ST3GAL5: variants seen among roughly 807,000 people sequenced by gnomAD.
ST3GAL5 encodes ST3 beta-galactoside alpha-2,3-sialyltransferase 5, also known as lactosylceramide alpha-2,3-sialyltransferase.
ST3GAL5 carries 25 observed loss-of-function variants against 46.1 expected under a neutral mutation model. The observed-to-expected ratio is 0.54, with a 90% confidence interval of 0.40 to 0.76. The LOEUF is 0.76. Ranked by LOEUF, ST3GAL5 falls within the 30% of genes least tolerant of loss-of-function variation. ST3GAL5 has a pLI of 0.00. For synonymous variants in ST3GAL5, 182 were observed against 192.7 expected, an observed-to-expected ratio of 0.94 and a Z score of 0.46; for missense variants, 431 against 521.2, an observed-to-expected ratio of 0.83 and a Z score of 1.69.
chr2:85,870,914 C>G (rs1415774904), intron 1 of ST3GAL5, among the ~76,000 whole-genome samples: 4 of 152,136 alleles, frequency 2.6e-5, no homozygotes. Context: ...ATCCGCCCGC[C>G]TTGGCCGCCC....
intron 1 of ST3GAL5, among the ~76,000 whole-genome samples, chr2:85,871,326 T>C (rs1469935584): frequency 1.3e-5 from 2 of 152,252 alleles, no homozygotes; most frequent in Non-Finnish European, 2.9e-5. Context: ...AACAAATTAC[T>C]GTTTACTATA....
rs1477354551 is a variant in ST3GAL5 at position 85,888,868 on chromosome 2, G to C, written c.38C>G (p.Pro13Arg). 1 of 1,365,880 alleles carries C rather than the reference G, an allele frequency of 7.3e-7. No homozygotes were observed. The highest frequency in any genetic ancestry group is 1.5e-5 in the African/African-American group (1 of 66,300). 84.6% of individuals were successfully genotyped at this position (1,365,880 alleles called of 1,614,324 possible). A position where few individuals can be genotyped will look rare whatever the true frequency, so the allele number is the denominator to read the frequency against. Residue 13 changes from proline (P) to arginine (R), a missense_variant, in exon 1 of 7, where the codon CCC becomes CGC. Transcript: ENST00000638572. ...CGCTGCCTCGGTCCGCGGCTGCAGG[G>C]GACGCCGCTCCGCGCAGCCCGCCGC... ...TKAAGCAERR[P>R]LQPRTEAAAA... is the part of the protein sequence containing the mutation.
rs74491973 is a variant in ST3GAL5 at position 85,838,977 on chromosome 2, A to T, written c.*1167T>A. The T allele has an allele frequency of 0.02, 3,077 of 152,560 alleles. 50 individuals are homozygous for T. The highest frequency in any genetic ancestry group is 0.03 in the Non-Finnish European group (2,061 of 68,238). The allele number at this position is 152,560 out of a possible 1,614,324, so 9.5% of individuals were successfully genotyped here. ...AGCCACCGACACCCAGCATCTCTTCAGAAGGGTTCACAGTTGTCTGGACTC... is the reference window on the plus strand; with the variant it reads ...AGCCACCGACACCCAGCATCTCTTCTGAAGGGTTCACAGTTGTCTGGACTC... On this transcript the variant is annotated 3_prime_UTR_variant, in exon 7 of 7. Coordinates refer to ENST00000638572, the MANE Select transcript of ST3GAL5 (RefSeq NM_003896.4).
chr2:85,853,608 A>G (rs1401265947), intron 3 of ST3GAL5: 3 of 160,364 alleles, frequency 1.9e-5, no homozygotes, highest in Admixed American at 5.9e-5. Flanking sequence ...ACAGAACTCC[A>G]TGTCATAGCC....
intron 1 of ST3GAL5, among the ~76,000 whole-genome samples, chr2:85,864,225 A>G (rs1423265195): frequency 3.3e-5 from 5 of 152,198 alleles, no homozygotes; most frequent in Admixed American, 1.3e-4. Flanking sequence ...TCATGGGGGA[A>G]AATGAGTAAA....
intron 3 of ST3GAL5, 100 bp downstream of exon 3, chr2:85,861,081 T>C: frequency 1.1e-6 from 1 of 910,890 alleles, no homozygotes; most frequent in Non-Finnish European, 1.8e-6. Flanking sequence ...GTTCAAACTT[T>C]TATTAACATA....
chr2:85,889,019 G>T, upstream of ST3GAL5: 1 of 763,866 alleles, frequency 1.3e-6, no homozygotes. Context: ...GCTCAGATGC[G>T]GAGGAGGGGC....
intron 5 of ST3GAL5, chr2:85,845,044 A>G (rs1682615126): frequency 4.6e-6 from 1 of 217,740 alleles, no homozygotes; most frequent in African/African-American, 2.3e-5. Flanking sequence ...TCAGCTTTGG[A>G]AATACAAATT....
At chr2:85,850,424 C>T (rs1200929733) in intron 3 of ST3GAL5, 1 of 152,288 alleles carries the variant, frequency 6.6e-6, no homozygotes, top group African/African-American at 2.4e-5. Context: ...TTGGCATCTT[C>T]ATGAGGAAAT....
At chr2:85,880,555 G>A (rs1687033083) in intron 1 of ST3GAL5, among the ~76,000 whole-genome samples, 1 of 152,194 alleles carries the variant, frequency 6.6e-6, no homozygotes, top group African/African-American at 2.4e-5. Flanking sequence ...TGGGCATGGT[G>A]GCTCATGCCT....
chr2:85,863,760 T>C (rs1226053531), intron 1 of ST3GAL5, among the ~76,000 whole-genome samples: 1 of 151,468 alleles, frequency 6.6e-6, no homozygotes, highest in Non-Finnish European at 1.5e-5. Flanking sequence ...CAGGCTGGAG[T>C]GCAGTGGCGT....
chr2:85,840,530 C>T (rs1306650851), intron 6 of ST3GAL5, 138 bp from the exon 7 acceptor site: 2 of 910,204 alleles, frequency 2.2e-6, no homozygotes, highest in Admixed American at 2.1e-5. Context: ...TAATTTTATA[C>T]ATCATGAACT....
chr2:85,844,369 A>T, intron 6 of ST3GAL5, 27 bp downstream of exon 6: 1 of 1,614,138 alleles, frequency 6.2e-7, no homozygotes, highest in Non-Finnish European at 8.5e-7. Context: ...ACAGGGAATG[A>T]TTAACTTTGA....
At chr2:85,849,502 C>A (rs1434378892) in intron 3 of ST3GAL5, 1 of 152,202 alleles carries the variant, frequency 6.6e-6, no homozygotes, top group Admixed American at 6.5e-5. Flanking sequence ...GTAGTCCCAG[C>A]TACTCGGGAG....
intron 1 of ST3GAL5, among the ~76,000 whole-genome samples, chr2:85,887,173 C>A (rs774702882): frequency 6.6e-6 from 1 of 152,314 alleles, no homozygotes; most frequent in Middle Eastern, 3.4e-3. Flanking sequence ...AATAGTCCCA[C>A]AAGGCAAGCA....
intron 1 of ST3GAL5, among the ~76,000 whole-genome samples, chr2:85,864,101 G>C (rs1685026170): frequency 6.6e-6 from 1 of 152,090 alleles, no homozygotes; most frequent in African/African-American, 2.4e-5. Context: ...AGGTAGATAT[G>C]GCTATAAAAG....
At chr2:85,868,476 AT>A (rs33930859) in intron 1 of ST3GAL5, among the ~76,000 whole-genome samples, 348 of 134,176 alleles carry the variant, frequency 2.6e-3, no homozygotes, top group Middle Eastern at 7.8e-3. Flanking sequence ...TAATTTTTGT[AT>A]TTTTTTTTTT....
At chr2:85,860,011 C>A (rs1450106791) in intron 3 of ST3GAL5, among the ~76,000 whole-genome samples, 1 of 152,154 alleles carries the variant, frequency 6.6e-6, no homozygotes, top group Non-Finnish European at 1.5e-5. Flanking sequence ...TGAAACCACA[C>A]CACTGAATTC....
At chr2:85,844,666 C>T (rs1682558130) in intron 5 of ST3GAL5, 112 bp from the exon 6 acceptor site, 7 of 1,411,192 alleles carry the variant, frequency 5.0e-6, no homozygotes, top group South Asian at 1.2e-5. Context: ...CTGTGCACTG[C>T]CTTCTGAAGC....
Sources: gnomAD v4.1 joint callset for allele counts (sites outside exome capture counted in the v4.1 genomes callset) on GRCh38, gnomAD v4.1.1 for gene constraint, MANE v1.5 for transcripts, NCBI Gene and HGNC (gene_info 2026-07-23, HGNC 2026-07-21) for gene names.